Variants in ARAP2 observed in about 807,000 individuals in gnomAD.
ARAP2 encodes arf-GAP with Rho-GAP domain, ANK repeat and PH domain-containing protein 2.
A neutral mutation model predicts 194.5 loss-of-function variants in ARAP2; 148 were observed. The ratio of observed to expected loss-of-function variants is 0.76; its 90% CI spans 0.67 to 0.87. ARAP2 has a LOEUF of 0.87. Ranked by LOEUF, ARAP2 falls within the 40% of genes least tolerant of loss-of-function variation. The pLI is 0.00. For synonymous variants in ARAP2, 695 were observed against 683.5 expected, an observed-to-expected ratio of 1.02 and a Z score of -0.26; for missense variants, 2,128 against 1,989.7, an observed-to-expected ratio of 1.07 and a Z score of -1.32.
intron 10 of ARAP2, 37 bp downstream of exon 10, chr4:36,166,895 T>C (rs1735406963): frequency 3.0e-6 from 4 of 1,325,526 alleles, no homozygotes; most frequent in East Asian, 4.7e-5. Flanking sequence ...AGCTTTCCTA[T>C]AGTAGTACGA....
At chr4:36,126,992 G>A (rs964866092) in intron 21 of ARAP2, among the ~76,000 whole-genome samples, 2 of 151,906 alleles carry the variant, frequency 1.3e-5, no homozygotes, top group East Asian at 1.9e-4. Context: ...AGCACATCAT[G>A]CCTGAGCTAA....
At chr4:36,098,063 A>C (rs1577869711) in intron 27 of ARAP2, among the ~76,000 whole-genome samples, 1 of 152,094 alleles carries the variant, frequency 6.6e-6, no homozygotes, top group African/African-American at 2.4e-5. Flanking sequence ...TCCAAAAAAA[A>C]AATAGTTTTT....
chr4:36,192,868 C>T (rs987077369), intron 7 of ARAP2, among the ~76,000 whole-genome samples: 7 of 152,012 alleles, frequency 4.6e-5, no homozygotes, highest in Admixed American at 6.6e-5. Flanking sequence ...TGGTGGTGTG[C>T]ACCTGTAATC....
At chr4:36,188,379 G>A (rs1182970466) in intron 7 of ARAP2, among the ~76,000 whole-genome samples, 1 of 152,120 alleles carries the variant, frequency 6.6e-6, no homozygotes, top group Non-Finnish European at 1.5e-5. Context: ...GTTTAAAACT[G>A]GGTAAAAACT....
In ARAP2 at chr4:36,229,159, C is replaced by A. The variant is rs1750948372; in HGVS notation, c.328G>T (p.Gly110Cys). The change falls in exon 2 of 33, where the codon GGT becomes TGT. Residue 110 changes from glycine to cysteine, a missense_variant. Physicochemically the swap from Gly to Cys is radical, Grantham distance 159 (BLOSUM62 -3). Coordinates refer to ENST00000303965, the MANE Select transcript of ARAP2 (RefSeq NM_015230.4). ...GGTGGGCTAGATGTCTGAACACTAC[C>A]AGAATTGGAAAGTTCTATGCAGATA... Reference protein sequence around the residue: ...QNICIELSNSGSVQTSSPPQL... With the variant: ...QNICIELSNSCSVQTSSPPQL... 6.2e-7 allele frequency: 1 copy of A among 1,614,048 alleles called. No homozygotes were observed. Among genetic ancestry groups the A allele is most frequent in the South Asian group, 1.1e-5 (1 of 91,066 alleles).
chr4:36,151,064 CA>C lies in ARAP2; in HGVS notation c.2753-21del. 6.4e-7 allele frequency: 1 copy of C among 1,572,366 alleles called. No individual in the cohort carries two copies. Among genetic ancestry groups the C allele is most frequent in the Non-Finnish European group, 8.6e-7 (1 of 1,164,698 alleles). ...TTGTCTCTAAGAATTTGAAACAAAA[CA>C]AATAACAAATTGAGCTAATCACGAA... On this transcript the variant is annotated intron_variant, in intron 15 of 32. Transcript: ENST00000303965.
rs570171975 is a variant in ARAP2 at position 36,220,342 on chromosome 4, C to T, written c.906-5862G>A. 2.6e-5 allele frequency among the ~76,000 whole-genome samples: 4 copies of T among 152,034 alleles called. No homozygotes were observed. The East Asian group carries it at 7.7e-4, about 29-fold the overall frequency. On this transcript the variant is annotated intron_variant, in intron 2 of 32. Transcript: ENST00000303965. The stretch of plus-strand genomic sequence containing the variant: ...TAATGAGAATGAAAAATTCCTATTG[C>T]CAAGTGATGTTGTAGCCATTGCAAC...
intron 5 of ARAP2, among the ~76,000 whole-genome samples, chr4:36,031,844 T>C (rs1208625254): frequency 6.6e-6 from 1 of 151,960 alleles, no homozygotes; most frequent in East Asian, 1.9e-4. Context: ...AATTTTTGTA[T>C]TTTTAGTAGA....
rs866383258 is a variant in ARAP2, at chr4:36,041,506, C to T, written n.607+4473G>A. On this transcript the variant is annotated intron_variant and non_coding_transcript_variant, in intron 5 of 12. Transcript: ENST00000503225. ...TACCATCTCACACTAATGAGAATGG[C>T]TATTACTAAAAAGTCAAATAATAAC... 1.3e-4 allele frequency among the ~76,000 whole-genome samples: 20 copies of T among 152,216 alleles called. No individual in the cohort carries two copies. The South Asian group carries it at 3.9e-3, about 30-fold the overall frequency.
intron 9 of ARAP2, among the ~76,000 whole-genome samples, chr4:36,175,373 T>C (rs1458990981): frequency 1.3e-5 from 2 of 152,146 alleles, no homozygotes; most frequent in Non-Finnish European, 2.9e-5. Flanking sequence ...TGTCACCAGG[T>C]TTTTCACATG....
chr4:36,134,518 T>C (rs1337860845), intron 19 of ARAP2, among the ~76,000 whole-genome samples: 1 of 151,628 alleles, frequency 6.6e-6, no homozygotes, highest in Non-Finnish European at 1.5e-5. Flanking sequence ...CCTTACAGAA[T>C]TCCTTTCCCA....
intron 19 of ARAP2, among the ~76,000 whole-genome samples, chr4:36,136,783 A>ATG (rs772565955): frequency 0.052 from 7,518 of 143,806 alleles, 261 homozygotes; most frequent in African/African-American, 0.094. Context: ...AATCAAATAT[A>ATG]TGTGTGTGTG....
intron 31 of ARAP2, 147 bp from the exon 32 acceptor site, chr4:36,073,970 T>A: frequency 2.9e-6 from 3 of 1,024,358 alleles, no homozygotes; most frequent in Non-Finnish European, 4.3e-6. Context: ...ATGTTGACTC[T>A]GGTGGCAGCA....
intron 1 of ARAP2, among the ~76,000 whole-genome samples, chr4:36,235,512 T>A (rs1752267405): frequency 6.6e-6 from 1 of 152,236 alleles, no homozygotes; most frequent in South Asian, 2.1e-4. Context: ...TAATCTATGC[T>A]ATACAAGCAT....
rs777006380 is a variant in ARAP2, at chr4:36,068,225, C to G, written c.4797G>C (p.Glu1599Asp). 8.1e-6 allele frequency: 13 copies of G among 1,602,006 alleles called. No individual in the cohort carries two copies. In the Admixed American group the frequency reaches 2.3e-4, roughly 28 times the overall value. ...RLRLSEKCDKESVDSSLKERA... is the reference protein window; with the variant it reads ...RLRLSEKCDKDSVDSSLKERA... ...TCTCCTTTAAGCTAGAGTCCACGGA[C>G]TCTTTATCACACTTTTCACTGAGCC... The change falls in exon 33 of 33, where the codon GAG becomes GAC. Residue 1599 changes from glutamate to aspartate, a missense_variant. By Grantham distance (45) the Glu-to-Asp change is conservative. Coordinates refer to ENST00000303965, the MANE Select transcript of ARAP2 (RefSeq NM_015230.4).
At chr4:36,125,784 T>C (rs1293280785) in intron 21 of ARAP2, among the ~76,000 whole-genome samples, 1 of 152,020 alleles carries the variant, frequency 6.6e-6, no homozygotes, top group Non-Finnish European at 1.5e-5. Flanking sequence ...TGGAAATAGA[T>C]CATTCTTTAA....
intron 32 of ARAP2, among the ~76,000 whole-genome samples, chr4:36,071,345 A>G (rs1403039428): frequency 1.3e-5 from 2 of 152,174 alleles, no homozygotes; most frequent in Non-Finnish European, 2.9e-5. Flanking sequence ...ATGATTTTAC[A>G]GGGACTCAGT....
At chr4:36,174,955 A>T (rs959838291) in intron 9 of ARAP2, among the ~76,000 whole-genome samples, 3 of 152,210 alleles carry the variant, frequency 2.0e-5, no homozygotes, top group Non-Finnish European at 4.4e-5. Context: ...GTAACTGCCA[A>T]AGTAAATTAC....
chr4:36,035,895 A>C lies in ARAP2; in HGVS notation n.607+10084T>G, dbSNP rs755290417. Among the ~76,000 whole-genome samples, 5 of 152,192 alleles carry C rather than the reference A, an allele frequency of 3.3e-5. No homozygotes were observed. In the East Asian group the frequency reaches 5.8e-4, roughly 18 times the overall value. ...AATATGAACAATTATTGAAAATACA[A>C]TTATTTCTCAACTGTTATACAGTAT... On this transcript the variant is annotated intron_variant and non_coding_transcript_variant, in intron 5 of 12. Coordinates refer to the ARAP2 transcript ENST00000503225.
Sources: gnomAD v4.1 joint callset for allele counts (sites outside exome capture counted in the v4.1 genomes callset) on GRCh38, gnomAD v4.1.1 for gene constraint, MANE v1.5 for transcripts, NCBI Gene and HGNC (gene_info 2026-07-23, HGNC 2026-07-21) for gene names.